Variants in TMEFF2 observed in about 807,000 individuals in gnomAD.
The protein encoded by TMEFF2 is transmembrane protein with EGF like and two follistatin like domains 2.
A neutral mutation model predicts 53.8 loss-of-function variants in TMEFF2; 28 were observed. The ratio of observed to expected loss-of-function variants is 0.52; its 90% CI spans 0.39 to 0.71. The LOEUF is 0.71. TMEFF2 is among the 30% of genes least tolerant of loss of function. TMEFF2 has a pLI of 0.00. For synonymous variants in TMEFF2, 162 were observed against 166.3 expected (o/e 0.97, Z 0.20); for missense variants, 353 against 455.2 (o/e 0.78, Z 2.04).
chr2:191,971,862 G>A (rs1370565815), intron 7 of TMEFF2, among the ~76,000 whole-genome samples: 4 of 152,128 alleles, frequency 2.6e-5, no homozygotes, highest in Non-Finnish European at 5.9e-5. Flanking sequence ...AAAATAGGGT[G>A]CTCAGATACA....
intron 4 of TMEFF2, among the ~76,000 whole-genome samples, chr2:192,116,240 C>A (rs1302862726): frequency 6.6e-6 from 1 of 151,890 alleles, no homozygotes; most frequent in African/African-American, 2.4e-5. Context: ...TATACACAGA[C>A]AAATACTATA....
chr2:192,126,888 T>C (rs2105972302), intron 4 of TMEFF2, among the ~76,000 whole-genome samples: 1 of 152,248 alleles, frequency 6.6e-6, no homozygotes, highest in African/African-American at 2.4e-5. Context: ...TGCTGTAAAA[T>C]AATGCCCTTC....
chr2:192,111,527 G>T (rs891349195), intron 4 of TMEFF2, among the ~76,000 whole-genome samples: 2 of 152,130 alleles, frequency 1.3e-5, no homozygotes, highest in East Asian at 3.9e-4. Flanking sequence ...GCTGTTAAAA[G>T]CATTCAGTTT....
In TMEFF2 at chr2:192,182,108, G is replaced by T. The variant is rs1456568619; in HGVS notation, c.412+2246C>A. On this transcript the variant is annotated intron_variant, in intron 3 of 9. Transcript: ENST00000272771. ...GACCATTGAGCAGATTTCACAATAA[G>T]AGTCCATTCTCTGGACAAAAAAAAA... Among the ~76,000 whole-genome samples the T allele has an allele frequency of 2.0e-5, 3 of 151,692 alleles. No individual in the cohort carries two copies. The East Asian group carries it at 5.8e-4, about 29-fold the overall frequency.
At chr2:191,978,568 C>T (rs1373593533) in intron 7 of TMEFF2, among the ~76,000 whole-genome samples, 2 of 151,982 alleles carry the variant, frequency 1.3e-5, no homozygotes, top group Non-Finnish European at 2.9e-5. Context: ...CTTAAGCTTA[C>T]TAAAATGTCT....
chr2:192,146,871 G>T (rs1690265021), intron 4 of TMEFF2, among the ~76,000 whole-genome samples: 1 of 152,100 alleles, frequency 6.6e-6, no homozygotes, highest in Non-Finnish European at 1.5e-5. Flanking sequence ...AATACTGGTT[G>T]TCTATGAGTC....
At chr2:192,125,165 A>G (rs1215972034) in intron 4 of TMEFF2, among the ~76,000 whole-genome samples, 2 of 152,218 alleles carry the variant, frequency 1.3e-5, no homozygotes, top group Non-Finnish European at 2.9e-5. Context: ...GGATGGGAAG[A>G]CATTTGGAAT....
intron 5 of TMEFF2, among the ~76,000 whole-genome samples, chr2:192,051,026 C>T (rs1687757106): frequency 6.6e-6 from 1 of 151,978 alleles, no homozygotes; most frequent in South Asian, 2.1e-4. Flanking sequence ...TCTTCAGTTC[C>T]CACTCATTGA....
intron 4 of TMEFF2, among the ~76,000 whole-genome samples, chr2:192,131,038 C>T (rs1414724324): frequency 6.6e-6 from 1 of 151,864 alleles, no homozygotes; most frequent in Non-Finnish European, 1.5e-5. Flanking sequence ...GCAGCAAGTC[C>T]CGCTTTTCTG....
At chr2:192,025,943 G>A (rs1000039580) in intron 5 of TMEFF2, among the ~76,000 whole-genome samples, 3 of 152,200 alleles carry the variant, frequency 2.0e-5, no homozygotes, top group African/African-American at 4.8e-5. Context: ...CTGCGGAGTT[G>A]ACTTGTTGCT....
At chr2:192,128,113 C>T (rs1278924705) in intron 4 of TMEFF2, among the ~76,000 whole-genome samples, 1 of 150,778 alleles carries the variant, frequency 6.6e-6, no homozygotes, top group African/African-American at 2.4e-5. Flanking sequence ...CAGCCTTTCA[C>T]TCATTAAACT....
chr2:192,029,126 C>G (rs1053025288), intron 5 of TMEFF2: 1 of 152,160 alleles, frequency 6.6e-6, no homozygotes, highest in Non-Finnish European at 1.5e-5. Flanking sequence ...TCCCCCTCCC[C>G]CCACGTCCAT....
At chr2:192,099,260 T>C (rs1393350489) in intron 4 of TMEFF2, among the ~76,000 whole-genome samples, 1 of 152,178 alleles carries the variant, frequency 6.6e-6, no homozygotes, top group Non-Finnish European at 1.5e-5. Context: ...GTAACTATTA[T>C]AGGTAAATTT....
intron 4 of TMEFF2, chr2:192,179,078 C>G (rs954715628): frequency 8.0e-5 from 12 of 150,896 alleles, no homozygotes; most frequent in African/African-American, 2.9e-4. Flanking sequence ...CTAAACAAAA[C>G]TAAATAATGG....
chr2:192,030,212 G>A (rs933599281), intron 5 of TMEFF2: 3 of 152,176 alleles, frequency 2.0e-5, no homozygotes, highest in African/African-American at 7.2e-5. Context: ...CCATCCAAAA[G>A]CCATTTCTGC....
chr2:191,999,425 T>G (rs199654611), intron 5 of TMEFF2, among the ~76,000 whole-genome samples: 1 of 151,984 alleles, frequency 6.6e-6, no homozygotes, highest in African/African-American at 2.4e-5. Flanking sequence ...GGATAAAAAA[T>G]AAAAGGAAAA....
intron 4 of TMEFF2, among the ~76,000 whole-genome samples, chr2:192,146,915 G>A (rs1690265743): frequency 6.6e-6 from 1 of 152,016 alleles, no homozygotes; most frequent in Non-Finnish European, 1.5e-5. Flanking sequence ...AAGTTCAAAG[G>A]AAAAATTGTA....
intron 7 of TMEFF2, among the ~76,000 whole-genome samples, chr2:191,960,518 C>T (rs1692241275): frequency 6.6e-6 from 1 of 152,142 alleles, no homozygotes; most frequent in Admixed American, 6.5e-5. Flanking sequence ...TAAGGTCAAA[C>T]TTGTGCTGTA....
intron 4 of TMEFF2, among the ~76,000 whole-genome samples, chr2:192,149,764 A>G (rs1370339837): frequency 1.3e-5 from 2 of 151,976 alleles, no homozygotes; most frequent in Admixed American, 1.3e-4. Flanking sequence ...CATTCTAAAG[A>G]CAGAAGAGTG....
Sources: gnomAD v4.1 joint callset for allele counts (sites outside exome capture counted in the v4.1 genomes callset) on GRCh38, gnomAD v4.1.1 for gene constraint, MANE v1.5 for transcripts, NCBI Gene and HGNC (gene_info 2026-07-23, HGNC 2026-07-21) for gene names.